Variants in FAM222A observed in about 807,000 individuals in gnomAD.
FAM222A encodes family with sequence similarity 222 member A, also known as protein FAM222A.
In FAM222A, 7 loss-of-function variants were observed where a neutral mutation model predicts 25.8. The observed-to-expected ratio is 0.27, with a 90% CI of 0.15 to 0.51. The LOEUF (loss-of-function observed/expected upper bound fraction) is 0.51, where lower values mean the gene tolerates loss of function less well. Ranked by LOEUF, FAM222A falls within the 20% of genes least tolerant of loss-of-function variation. FAM222A has a pLI of 0.97. For synonymous variants in FAM222A, 294 were observed against 298.8 expected, an observed-to-expected ratio of 0.98 and a Z score of 0.17; for missense variants, 573 against 640.5, an observed-to-expected ratio of 0.89 and a Z score of 1.14.
intron 1 of FAM222A, among the ~76,000 whole-genome samples, chr12:109,717,377 C>G (rs1262415854): frequency 1.3e-5 from 2 of 152,202 alleles, no homozygotes; most frequent in African/African-American, 4.8e-5. Flanking sequence ...CTGCCCCTGG[C>G]CGCCCCAGGG....
chr12:109,753,290 G>A lies in FAM222A; in HGVS notation c.82+9062G>A, dbSNP rs535326582. On this transcript the variant is annotated intron_variant, in intron 2 of 2. Coordinates refer to ENST00000538780, the MANE Select transcript of FAM222A (RefSeq NM_032829.3). The stretch of plus-strand genomic sequence containing the variant: ...CTCAGCTGGACCTTGGGTAAGTGAC[G>A]TGGCCTCTCTGTGCCCCACACTGCT... Among the ~76,000 whole-genome samples the A allele has an allele frequency of 8.0e-4, 122 of 152,248 alleles. 1 individual carries two copies. The highest frequency in any genetic ancestry group is 2.8e-3 in the African/African-American group (116 of 41,550).
Position 109,714,755 on chromosome 12 carries a change from G to C in FAM222A, c.-189G>C, listed in dbSNP as rs1439626108. ...CGCCAGGATAGCCCTCACCGACAGCGCCCCTTCCCACCCGGAGAGAGGCAT... is the reference window on the plus strand; with the variant it reads ...CGCCAGGATAGCCCTCACCGACAGCCCCCCTTCCCACCCGGAGAGAGGCAT... On this transcript the variant is annotated 5_prime_UTR_variant, in exon 1 of 3. Transcript: ENST00000538780. This position sits in a 1 kb window ranked among gnomAD's most constrained non-coding sequence, Gnocchi z 4.2. 2.6e-5 allele frequency: 4 copies of C among 152,272 alleles called. No homozygotes were observed. Among genetic ancestry groups the C allele is most frequent in the African/African-American group, 9.6e-5 (4 of 41,456 alleles). 9.4% of individuals were successfully genotyped at this position (152,272 alleles called of 1,614,324 possible).
chr12:109,731,063 C>A (rs546247345), intron 1 of FAM222A, among the ~76,000 whole-genome samples: 1 of 152,188 alleles, frequency 6.6e-6, no homozygotes, highest in African/African-American at 2.4e-5. Flanking sequence ...CCAAGGGACT[C>A]GGTGGCTTAC....
At chr12:109,716,054 T>G (rs1468607353) in intron 1 of FAM222A, among the ~76,000 whole-genome samples, 2 of 152,160 alleles carry the variant, frequency 1.3e-5, no homozygotes, top group African/African-American at 4.8e-5. Flanking sequence ...TTCTGGTGTT[T>G]AAGAGGATTT....
intron 2 of FAM222A, among the ~76,000 whole-genome samples, chr12:109,749,308 G>T (rs1407664927): frequency 6.6e-6 from 1 of 152,126 alleles, no homozygotes; most frequent in African/African-American, 2.4e-5. Flanking sequence ...GTTTCTCCGT[G>T]TTAGTCAGGC....
chr12:109,758,331 C>G (rs1565845883), intron 2 of FAM222A, among the ~76,000 whole-genome samples: 1 of 152,232 alleles, frequency 6.6e-6, no homozygotes, highest in Non-Finnish European at 1.5e-5. Flanking sequence ...GGTGGCCAGC[C>G]TTTTCTGAGC....
At chr12:109,737,862 T>TC (rs1298081971) in intron 1 of FAM222A, among the ~76,000 whole-genome samples, 1 of 152,004 alleles carries the variant, frequency 6.6e-6, no homozygotes, top group East Asian at 1.9e-4. Flanking sequence ...ATTAACAGGG[T>TC]CCCTTGGAAG....
chr12:109,729,824 C>T (rs1374586108), intron 1 of FAM222A, among the ~76,000 whole-genome samples: 6 of 152,142 alleles, frequency 3.9e-5, no homozygotes, highest in East Asian at 1.9e-4. Context: ...TTCTTCTTTT[C>T]GATTTAATAA....
intron 1 of FAM222A, among the ~76,000 whole-genome samples, chr12:109,719,428 T>A (rs58244045): frequency 0.11 from 15,970 of 152,066 alleles, 1,720 homozygotes; most frequent in East Asian, 0.43. Context: ...AAAACCAGGC[T>A]TTAGGTAAAG....
chr12:109,755,398 G>A (rs566432620), intron 2 of FAM222A, among the ~76,000 whole-genome samples: 10 of 133,778 alleles, frequency 7.5e-5, no homozygotes, highest in South Asian at 4.9e-4. Flanking sequence ...CCGCAATCTC[G>A]GCTCACCGCA....
intron 1 of FAM222A, among the ~76,000 whole-genome samples, chr12:109,728,973 T>TTAA (rs1555288493): frequency 2.7e-5 from 4 of 147,762 alleles, no homozygotes; most frequent in Admixed American, 2.0e-4. Flanking sequence ...GGGTTACAGG[T>TTAA]AAAAAAAAAA....
At chr12:109,723,611 G>T (rs536590147) in intron 1 of FAM222A, among the ~76,000 whole-genome samples, 1 of 152,224 alleles carries the variant, frequency 6.6e-6, no homozygotes, top group Non-Finnish European at 1.5e-5. Flanking sequence ...ACTGGGCAGG[G>T]AAGCCCTGCC....
At chr12:109,717,725 G>A (rs146169373) in intron 1 of FAM222A, among the ~76,000 whole-genome samples, 1,533 of 152,268 alleles carry the variant, frequency 0.01, 18 homozygotes, top group African/African-American at 0.035. Flanking sequence ...TCCCGTAAGC[G>A]TGGAAGTGGC....
chr12:109,721,282 AG>A (rs1887740030), intron 1 of FAM222A, among the ~76,000 whole-genome samples: 3 of 152,166 alleles, frequency 2.0e-5, no homozygotes, highest in Non-Finnish European at 4.4e-5. Context: ...ATCCTCGGGC[AG>A]GGGCCGAGGG....
chr12:109,753,902 C>G (rs984178345), intron 2 of FAM222A, among the ~76,000 whole-genome samples: 5 of 152,160 alleles, frequency 3.3e-5, no homozygotes, highest in Non-Finnish European at 7.3e-5. Context: ...AGTTACGTAG[C>G]TATTGCTGAG....
chr12:109,740,479 CA>C (rs1182463166), intron 1 of FAM222A, among the ~76,000 whole-genome samples: 6 of 152,220 alleles, frequency 3.9e-5, no homozygotes, highest in Admixed American at 3.3e-4. Context: ...GGTGCTTGGC[CA>C]GGGGGGTAAT....
intron 1 of FAM222A, 64 bp from the exon 2 acceptor site, chr12:109,744,037 G>T (rs539267550): frequency 2.0e-6 from 3 of 1,473,632 alleles, no homozygotes; most frequent in Admixed American, 4.7e-5. Flanking sequence ...CTCCCGGGGG[G>T]AATGGTGGGA....
rs1380076670 is a variant in FAM222A at position 109,770,407 on chromosome 12, T to C, written c.*1119T>C. On this transcript the variant is annotated 3_prime_UTR_variant, in exon 3 of 3. Transcript: ENST00000538780. ...ATCTCTGAGAATGTTTTTTTTATAC[T>C]AAAATTGACCATTATATTCTACTGT... The C allele has an allele frequency of 1.3e-5, 2 of 152,764 alleles. No homozygotes were observed. Among genetic ancestry groups the C allele is most frequent in the East Asian group, 3.9e-4 (2 of 5,192 alleles). 9.5% of individuals were successfully genotyped at this position (152,764 alleles called of 1,614,324 possible). A position where few individuals can be genotyped will look rare whatever the true frequency, so the allele number is the denominator to read the frequency against.
chr12:109,750,162 A>C (rs917307237), intron 2 of FAM222A, among the ~76,000 whole-genome samples: 3 of 152,228 alleles, frequency 2.0e-5, no homozygotes, highest in Admixed American at 6.5e-5. Context: ...ACCTACTAAT[A>C]ATAAGGAAGG....
Sources: gnomAD v4.1 joint callset for allele counts (sites outside exome capture counted in the v4.1 genomes callset) on GRCh38, gnomAD v4.1.1 for gene constraint, Gnocchi (gnomAD v3.1) non-coding constraint, MANE v1.5 for transcripts, NCBI Gene and HGNC (gene_info 2026-07-23, HGNC 2026-07-21) for gene names.